NGEF: variants seen among roughly 807,000 people sequenced by gnomAD.
NGEF encodes ephexin-1.
NGEF carries 31 observed loss-of-function variants against 80.9 expected under a neutral mutation model. That is an observed-to-expected ratio of 0.38 (90% confidence interval 0.29 to 0.52). The LOEUF (loss-of-function observed/expected upper bound fraction) is 0.52, where lower values mean the gene tolerates loss of function less well. Among genes scored for constraint, NGEF ranks in the 20% least tolerant of loss-of-function variants. The pLI is 0.84. For missense variants in NGEF, 709 were observed against 926.2 expected (o/e 0.77, Z 3.04); for synonymous variants, 371 against 370.2 (o/e 1.00, Z -0.03).
At chr2:232,943,621 G>A (rs55850162) in intron 3 of NGEF, among the ~76,000 whole-genome samples, 4 of 150,304 alleles carry the variant, frequency 2.7e-5, no homozygotes, top group African/African-American at 9.8e-5. Flanking sequence ...TCAGCCTCCC[G>A]AGTAGCTGGG....
chr2:232,925,393 G>C (rs1693039539), intron 4 of NGEF, among the ~76,000 whole-genome samples: 1 of 152,232 alleles, frequency 6.6e-6, no homozygotes, highest in Non-Finnish European at 1.5e-5. Context: ...GTCAGGCCCA[G>C]GAGCCAGGAA....
intron 3 of NGEF, among the ~76,000 whole-genome samples, chr2:232,932,180 T>G (rs1693228886): frequency 6.6e-6 from 1 of 150,624 alleles, no homozygotes; most frequent in Non-Finnish European, 1.5e-5. Flanking sequence ...TTTTTTTTTT[T>G]TTGAGACAGA....
chr2:232,986,153 TG>T, intron 1 of NGEF, among the ~76,000 whole-genome samples: 1 of 151,934 alleles, frequency 6.6e-6, no homozygotes, highest in South Asian at 2.1e-4. Context: ...GACAAAACAA[TG>T]AGATACCATC....
At chr2:232,958,471 T>C (rs1051135695) in intron 3 of NGEF, among the ~76,000 whole-genome samples, 13 of 152,152 alleles carry the variant, frequency 8.5e-5, no homozygotes, top group Admixed American at 6.5e-5. Flanking sequence ...CATGCATGCA[T>C]TTACTCATTC....
intron 5 of NGEF, among the ~76,000 whole-genome samples, chr2:232,912,396 T>C (rs1692708148): frequency 6.6e-6 from 1 of 152,186 alleles, no homozygotes; most frequent in South Asian, 2.1e-4. Flanking sequence ...TTTTTATACA[T>C]TGCTGGATTT....
At chr2:232,970,047 T>G (rs1052485577) in intron 3 of NGEF, 167 bp downstream of exon 3, 1 of 408,352 alleles carries the variant, frequency 2.4e-6, no homozygotes, top group Non-Finnish European at 4.3e-6. Flanking sequence ...CAAAAGTTTT[T>G]TTTAAATTAT....
At chr2:232,975,592 A>G (rs1209349764) in intron 1 of NGEF, among the ~76,000 whole-genome samples, 1 of 152,182 alleles carries the variant, frequency 6.6e-6, no homozygotes, top group Non-Finnish European at 1.5e-5. Flanking sequence ...ACCATATAGC[A>G]TATCATCTGA....
intron 2 of NGEF, among the ~76,000 whole-genome samples, chr2:232,972,781 GA>G (rs1252752053): frequency 7.9e-6 from 1 of 125,940 alleles, no homozygotes; most frequent in African/African-American, 2.9e-5. Flanking sequence ...TTTTGAGATG[GA>G]GTCTTACTCT....
chr2:233,006,739 C>A (rs923708836), intron 1 of NGEF, among the ~76,000 whole-genome samples: 7 of 152,110 alleles, frequency 4.6e-5, no homozygotes, highest in Non-Finnish European at 7.3e-5. Context: ...ACACTCATGG[C>A]GATCCTGTAT....
intron 1 of NGEF, among the ~76,000 whole-genome samples, chr2:232,978,339 C>T (rs1694339953): frequency 6.6e-6 from 1 of 151,738 alleles, no homozygotes; most frequent in African/African-American, 2.4e-5. Flanking sequence ...ATGGTGAAAA[C>T]CAGTCTCTAC....
At chr2:232,998,351 A>G (rs1694899152) in intron 1 of NGEF, among the ~76,000 whole-genome samples, 1 of 152,096 alleles carries the variant, frequency 6.6e-6, no homozygotes, top group South Asian at 2.1e-4. Flanking sequence ...GTCCCAGAAG[A>G]AAGGTATGGC....
At chr2:232,983,253 A>G (rs1694473063) in intron 1 of NGEF, among the ~76,000 whole-genome samples, 1 of 150,798 alleles carries the variant, frequency 6.6e-6, no homozygotes, top group Non-Finnish European at 1.5e-5. Flanking sequence ...GGAAGCCTAG[A>G]AAGTTCTGTA....
chr2:232,920,730 C>G (rs1692924521), intron 4 of NGEF, 145 bp from the exon 5 acceptor site: 2 of 587,386 alleles, frequency 3.4e-6, no homozygotes, highest in East Asian at 6.7e-5. Context: ...GCACCCATCT[C>G]AGCGGCAGGC....
chr2:232,969,680 T>C (rs1694146712), intron 3 of NGEF, among the ~76,000 whole-genome samples: 1 of 151,714 alleles, frequency 6.6e-6, no homozygotes, highest in African/African-American at 2.4e-5. Context: ...GGCTAATTTG[T>C]TTTTTGTATT....
chr2:232,996,829 T>A (rs569893258), intron 1 of NGEF, among the ~76,000 whole-genome samples: 5 of 152,188 alleles, frequency 3.3e-5, no homozygotes, highest in East Asian at 1.9e-4. Flanking sequence ...AAGATTTTTT[T>A]AAAATTTTAG....
In NGEF at chr2:232,927,195, G is replaced by C. The variant is rs1338355475; in HGVS notation, c.384-9C>G. 1 of 1,575,914 alleles carries C rather than the reference G, an allele frequency of 6.3e-7. No individual in the cohort carries two copies. The highest frequency in any genetic ancestry group is 8.6e-7 in the Non-Finnish European group (1 of 1,164,120). The stretch of plus-strand genomic sequence containing the variant: ...GGGTGGAGGACGACTCACTGCCAGA[G>C]AGGGAGGAGGACAGGGGCTGGTTAT... On this transcript the variant is annotated splice_polypyrimidine_tract_variant and intron_variant, in intron 3 of 14. Coordinates refer to ENST00000264051, the MANE Select transcript of NGEF (RefSeq NM_019850.3).
chr2:232,922,868 G>C (rs1420516668), intron 4 of NGEF, among the ~76,000 whole-genome samples: 1 of 152,142 alleles, frequency 6.6e-6, no homozygotes, highest in Non-Finnish European at 1.5e-5. Context: ...TCAGGAGTTC[G>C]AGACCAGCCT....
At chr2:233,005,448 C>G (rs951673065) in intron 1 of NGEF, among the ~76,000 whole-genome samples, 2 of 152,250 alleles carry the variant, frequency 1.3e-5, no homozygotes, top group Non-Finnish European at 2.9e-5. Flanking sequence ...CAGGACCACT[C>G]CTTCCAGCGT....
chr2:233,004,769 C>G (rs1229565101), intron 1 of NGEF, among the ~76,000 whole-genome samples: 4 of 151,956 alleles, frequency 2.6e-5, no homozygotes, highest in Admixed American at 2.6e-4. Flanking sequence ...GAATCAGGCT[C>G]GGCTTTGCCT....
Sources: gnomAD v4.1 joint callset for allele counts (sites outside exome capture counted in the v4.1 genomes callset) on GRCh38, gnomAD v4.1.1 for gene constraint, MANE v1.5 for transcripts, NCBI Gene and HGNC (gene_info 2026-07-23, HGNC 2026-07-21) for gene names.